The following PSEN2 variants were observed in gnomAD, a reference collection of about 807,000 sequenced individuals.
PSEN2 encodes presenilin 2.
A neutral mutation model predicts 49.1 loss-of-function variants in PSEN2; 32 were observed. The observed-to-expected ratio is 0.65, with a 90% confidence interval of 0.49 to 0.88. The LOEUF is 0.88. Ranked by LOEUF, PSEN2 falls within the 40% of genes least tolerant of loss-of-function variation. The pLI, the probability that PSEN2 is intolerant of heterozygous loss-of-function variation, is 0.00. For missense variants in PSEN2, 522 were observed against 586.9 expected (o/e 0.89, Z 1.14); for synonymous variants, 255 against 244.0 (o/e 1.05, Z -0.42).
In PSEN2 at chr1:226,883,717, A is replaced by G. The variant is rs775935657; in HGVS notation, c.154A>G (p.Asn52Asp). 1 of 1,613,948 alleles carries G rather than the reference A, an allele frequency of 6.2e-7. No homozygotes were observed. Among genetic ancestry groups the G allele is most frequent in the Non-Finnish European group, 8.5e-7 (1 of 1,179,980 alleles). The change falls in exon 5 of 13, where the codon AAC becomes GAC. Residue 52 changes from asparagine to aspartate, a missense_variant. Physicochemically the swap from Asn to Asp is conservative, Grantham distance 23. Coordinates refer to ENST00000366783, the MANE Select transcript of PSEN2 (RefSeq NM_000447.3). The part of the protein sequence containing the change: ...ENTAQWRSQE[N>D]EEDGEEDPDR... ...TGGTTTCCCACAGAGAAGCCAGGAG[A>G]ACGAGGAGGACGGTGAGGAGGACCC... is the stretch of plus-strand genomic sequence containing the variant.
chr1:226,886,518 G>T (rs1040606597), intron 6 of PSEN2, among the ~76,000 whole-genome samples: 4 of 152,208 alleles, frequency 2.6e-5, no homozygotes, highest in Non-Finnish European at 5.9e-5. Flanking sequence ...TTTAGACAGC[G>T]GCTTCAGGCT....
intron 11 of PSEN2, among the ~76,000 whole-genome samples, chr1:226,892,742 A>G (rs975806660): frequency 1.3e-5 from 2 of 152,150 alleles, no homozygotes; most frequent in African/African-American, 4.8e-5. Flanking sequence ...GAGTTAGCAC[A>G]GATCCCACGG....
chr1:226,894,828 T>G (rs544189138), intron 12 of PSEN2, among the ~76,000 whole-genome samples: 1 of 152,168 alleles, frequency 6.6e-6, no homozygotes, highest in Non-Finnish European at 1.5e-5. Context: ...TGCCCACAAG[T>G]ATATCAGGGA....
At position 226,894,858 on chromosome 1, in the gene PSEN2, T is replaced by C. The variant is rs117456084; in HGVS notation, c.1192-566T>C. 6.5e-3 allele frequency among the ~76,000 whole-genome samples: 987 copies of C among 152,214 alleles called. 34 individuals carry two copies. In the East Asian group the frequency reaches 0.076, roughly 12 times the overall value. ...CAGGGATGGGATGGTGGACCCAGGC[T>C]CCTCCACCACCAGACTGCCTTACCT... On this transcript the variant is annotated intron_variant, in intron 12 of 12. Transcript: ENST00000366783.
chr1:226,894,879 T>C (rs533388448), intron 12 of PSEN2, among the ~76,000 whole-genome samples: 1 of 152,280 alleles, frequency 6.6e-6, no homozygotes, highest in African/African-American at 2.4e-5. Context: ...CAGACTGCCT[T>C]ACCTGAGCCC....
Position 226,882,048 on chromosome 1 carries a change from G to T in PSEN2, c.141G>T (p.Trp47Cys). 1 of 1,613,888 alleles carries T rather than the reference G, an allele frequency of 6.2e-7. No homozygotes were observed. Among genetic ancestry groups the T allele is most frequent in the Non-Finnish European group, 8.5e-7 (1 of 1,180,024 alleles). Residue 47 changes from tryptophan to cysteine, a missense_variant and splice_region_variant, in exon 4 of 13, where the codon TGG (tryptophan) becomes TGT (cysteine). Trp to Cys is a radical substitution (Grantham distance 215, BLOSUM62 -2). Coordinates refer to ENST00000366783, the MANE Select transcript of PSEN2 (RefSeq NM_000447.3). ...GPEDGENTAQ[W>C]RSQENEEDGE... ...AGGATGGAGAGAACACTGCCCAGTG[G>T]GTAGGTCCCACCAGCAGCTGGGGGC...
intron 2 of PSEN2, among the ~76,000 whole-genome samples, chr1:226,871,626 G>C (rs1660300802): frequency 6.6e-6 from 1 of 152,230 alleles, no homozygotes; most frequent in South Asian, 2.1e-4. Context: ...AGAAGCGACA[G>C]CCTGGGGTTG....
At chr1:226,876,815 A>G (rs1180360420) in intron 3 of PSEN2, among the ~76,000 whole-genome samples, 1 of 152,172 alleles carries the variant, frequency 6.6e-6, no homozygotes, top group Non-Finnish European at 1.5e-5. Flanking sequence ...CTGTGTTTAA[A>G]GTGTTGATTC....
chr1:226,902,352 C>T (rs995376715), intron 12 of PSEN2, among the ~76,000 whole-genome samples: 1 of 152,030 alleles, frequency 6.6e-6, no homozygotes, highest in Non-Finnish European at 1.5e-5. Flanking sequence ...TGGTACTGGT[C>T]CATGGCCTGG....
chr1:226,880,430 G>C, intron 3 of PSEN2: 1 of 1,219,190 alleles, frequency 8.2e-7, no homozygotes, highest in Non-Finnish European at 1.1e-6. Flanking sequence ...ACTTGGAGAC[G>C]AACTTTCAGC....
chr1:226,885,703 AG>A (rs1661316984), intron 6 of PSEN2, 24 bp downstream of exon 6: 2 of 1,603,868 alleles, frequency 1.2e-6, no homozygotes. Flanking sequence ...CCTGCCCTCC[AG>A]CCACGCTTCT....
chr1:226,876,020 A>C (rs1051527513), intron 3 of PSEN2, among the ~76,000 whole-genome samples: 1 of 152,150 alleles, frequency 6.6e-6, no homozygotes, highest in Non-Finnish European at 1.5e-5. Context: ...TCTCTAGAGA[A>C]TGGGGTGCAG....
At chr1:226,887,284 C>A (rs1661420435) in intron 6 of PSEN2, among the ~76,000 whole-genome samples, 1 of 152,136 alleles carries the variant, frequency 6.6e-6, no homozygotes, top group Non-Finnish European at 1.5e-5. Context: ...GTCCCAGAGG[C>A]AGCCCCTTCC....
chr1:226,879,845 C>G (rs1390817932), intron 3 of PSEN2, among the ~76,000 whole-genome samples: 5 of 152,192 alleles, frequency 3.3e-5, no homozygotes, highest in Non-Finnish European at 7.3e-5. Flanking sequence ...CTCATCTATC[C>G]TAAACAGAAG....
At chr1:226,891,983 T>A in intron 11 of PSEN2, 139 bp downstream of exon 11, 1 of 735,578 alleles carries the variant, frequency 1.4e-6, no homozygotes, top group Non-Finnish European at 2.4e-6. Flanking sequence ...TCTGTGAAAG[T>A]AGAAGATGCC....
downstream of PSEN2, among the ~76,000 whole-genome samples, chr1:226,901,367 C>G (rs1662314273): frequency 6.8e-6 from 1 of 146,304 alleles, no homozygotes; most frequent in Admixed American, 7.1e-5. Flanking sequence ...ACCAGGGAGG[C>G]AGAGGTTGCA....
intron 9 of PSEN2, 32 bp downstream of exon 9, chr1:226,890,165 C>A (rs1251425485): frequency 6.4e-7 from 1 of 1,569,338 alleles, no homozygotes; most frequent in Non-Finnish European, 8.8e-7. Flanking sequence ...CTGCCTGACT[C>A]GGGGTCAGCA....
chr1:226,881,120 T>C (rs894150773), intron 3 of PSEN2, among the ~76,000 whole-genome samples: 6 of 152,232 alleles, frequency 3.9e-5, no homozygotes, highest in African/African-American at 1.4e-4. Flanking sequence ...GCATCCATCC[T>C]GCTGCTGTCC....
downstream of PSEN2, chr1:226,897,557 G>T (rs1662192796): frequency 2.6e-5 from 4 of 155,090 alleles, no homozygotes; most frequent in Admixed American, 2.6e-4. Flanking sequence ...CCAGAGAGCA[G>T]GGAGACAAAT....
Sources: gnomAD v4.1 joint callset for allele counts (sites outside exome capture counted in the v4.1 genomes callset) on GRCh38, gnomAD v4.1.1 for gene constraint, MANE v1.5 for transcripts, NCBI Gene and HGNC (gene_info 2026-07-23, HGNC 2026-07-21) for gene names.